The following LINGO2 variants were observed in gnomAD, a reference collection of about 807,000 sequenced individuals.
LINGO2 encodes leucine rich repeat and Ig domain containing 2.
LINGO2 carries 14 observed loss-of-function variants against 30.6 expected under a neutral mutation model. The observed-to-expected ratio is 0.46, with a 90% CI of 0.30 to 0.72. LINGO2 has a LOEUF of 0.72. LINGO2 is among the 30% of genes least tolerant of loss of function. LINGO2 has a pLI of 0.07. For synonymous variants in LINGO2, 317 were observed against 288.5 expected (o/e 1.10, Z -1.00); for missense variants, 729 against 751.7 (o/e 0.97, Z 0.35).
At chr9:28,697,466 T>A in the LINGO2 span, among the ~76,000 whole-genome samples, 33 of 152,094 alleles carry the variant, frequency 2.2e-4, no homozygotes, top group African/African-American at 8.0e-4. Context: ...AGAAAATGTT[T>A]TCAAATTGTA....
At chr9:28,193,126 G>T in intron 4 of LINGO2, among the ~76,000 whole-genome samples, 1 of 152,018 alleles carries the variant, frequency 6.6e-6, no homozygotes, top group East Asian at 1.9e-4. Context: ...ATTTATGCTG[G>T]GAGTTCAAAT....
intron 1 of LINGO2, among the ~76,000 whole-genome samples, chr9:28,565,169 C>G (rs990665823): frequency 2.6e-5 from 4 of 152,074 alleles, no homozygotes; most frequent in African/African-American, 9.7e-5. Context: ...CATGTAAAAT[C>G]TCATACTGCT....
the LINGO2 span, among the ~76,000 whole-genome samples, chr9:29,081,119 C>A: frequency 6.6e-6 from 1 of 151,912 alleles, no homozygotes; most frequent in Admixed American, 6.6e-5. Context: ...CAGAGACACA[C>A]ACAAAAAAGA....
intron 4 of LINGO2, among the ~76,000 whole-genome samples, chr9:28,287,863 T>C (rs937769654): frequency 2.0e-5 from 3 of 152,202 alleles, no homozygotes; most frequent in African/African-American, 7.2e-5. Flanking sequence ...TCATCCTTTG[T>C]ATGAAGGGTT....
chr9:28,561,822 C>T (rs374619983), intron 1 of LINGO2, among the ~76,000 whole-genome samples: 7 of 139,186 alleles, frequency 5.0e-5, no homozygotes, highest in African/African-American at 1.8e-4. Flanking sequence ...GTAGAGAAGG[C>T]TGAAGGATTT....
intron 4 of LINGO2, among the ~76,000 whole-genome samples, chr9:28,228,917 A>G (rs918188887): frequency 1.3e-5 from 2 of 151,838 alleles, no homozygotes; most frequent in Non-Finnish European, 3.0e-5. Flanking sequence ...AAACTTGATT[A>G]GCATAGAAAT....
intron 2 of LINGO2, among the ~76,000 whole-genome samples, chr9:28,388,413 C>T (rs944206936): frequency 2.0e-5 from 3 of 152,286 alleles, no homozygotes; most frequent in South Asian, 2.1e-4. Context: ...TCCTGGGACA[C>T]ATAAGTGTCC....
the LINGO2 span, among the ~76,000 whole-genome samples, chr9:28,864,547 CATA>C: frequency 6.6e-6 from 1 of 152,092 alleles, no homozygotes; most frequent in African/African-American, 2.4e-5. Flanking sequence ...GCCTAGTAAG[CATA>C]ATATCAATCA....
chr9:28,244,674 AC>A (rs796314602), intron 4 of LINGO2, among the ~76,000 whole-genome samples: 27 of 152,050 alleles, frequency 1.8e-4, no homozygotes, highest in African/African-American at 6.0e-4. Context: ...ACTATAAACA[AC>A]CCTACACAAA....
At chr9:28,040,782 C>CAAAT (rs1554664424) in intron 4 of LINGO2, among the ~76,000 whole-genome samples, 2 of 151,854 alleles carry the variant, frequency 1.3e-5, no homozygotes, top group African/African-American at 4.8e-5. Flanking sequence ...CCAAAACAGA[C>CAAAT]TAACAGAGCC....
chr9:28,377,548 G>T (rs1052888247), intron 2 of LINGO2, among the ~76,000 whole-genome samples: 1 of 152,004 alleles, frequency 6.6e-6, no homozygotes, highest in Non-Finnish European at 1.5e-5. Context: ...AACTGTGTGT[G>T]GGGGGGTTAG....
At chr9:27,965,127 G>A (rs1820035369) in intron 5 of LINGO2, among the ~76,000 whole-genome samples, 1 of 152,060 alleles carries the variant, frequency 6.6e-6, no homozygotes, top group African/African-American at 2.4e-5. Flanking sequence ...GACTATTAAG[G>A]ATTCCATATA....
intron 2 of LINGO2, among the ~76,000 whole-genome samples, chr9:28,469,256 T>A (rs780089316): frequency 2.7e-5 from 4 of 147,930 alleles, no homozygotes; most frequent in Non-Finnish European, 4.5e-5. Context: ...AACTATTAAG[T>A]CTGAAGAGTA....
chr9:29,028,735 A>C, the LINGO2 span, among the ~76,000 whole-genome samples: 1 of 152,152 alleles, frequency 6.6e-6, no homozygotes. Flanking sequence ...GATGAAAGGC[A>C]TGAGGCCTAA....
intron 4 of LINGO2, among the ~76,000 whole-genome samples, chr9:28,169,656 C>G (rs1236424814): frequency 6.6e-6 from 1 of 152,060 alleles, no homozygotes; most frequent in Non-Finnish European, 1.5e-5. Context: ...ATTGAATGGA[C>G]ACGAGAGGCA....
At chr9:28,544,904 C>T (rs944452312) in intron 1 of LINGO2, among the ~76,000 whole-genome samples, 1 of 151,208 alleles carries the variant, frequency 6.6e-6, no homozygotes, top group Non-Finnish European at 1.5e-5. Flanking sequence ...TAATCTCAAT[C>T]CTTTTAATTG....
the LINGO2 span, among the ~76,000 whole-genome samples, chr9:28,895,335 G>A: frequency 2.6e-5 from 4 of 152,218 alleles, no homozygotes; most frequent in East Asian, 3.9e-4. Flanking sequence ...TCAAGAGAGC[G>A]TTGTCACACT....
chr9:28,410,892 C>A (rs1055151679), intron 2 of LINGO2, among the ~76,000 whole-genome samples: 1 of 151,986 alleles, frequency 6.6e-6, no homozygotes, highest in African/African-American at 2.4e-5. Context: ...GGTAAAAGTG[C>A]ACACCTTCAC....
chr9:28,202,773 G>A (rs1820283162), intron 4 of LINGO2, among the ~76,000 whole-genome samples: 1 of 152,118 alleles, frequency 6.6e-6, no homozygotes, highest in African/African-American at 2.4e-5. Context: ...GTAGGAATGT[G>A]CCTGGCAAGA....
Sources: allele counts gnomAD v4.1 joint callset (sites outside exome capture counted in the v4.1 genomes callset), GRCh38; gene constraint gnomAD v4.1.1; transcripts MANE v1.5; gene names NCBI Gene and HGNC (gene_info 2026-07-23, HGNC 2026-07-21).